Variants in ASXL1 observed in about 807,000 individuals in gnomAD.
The protein encoded by ASXL1 is ASXL transcriptional regulator 1.
Under a neutral mutation model 89.1 loss-of-function variants are expected in ASXL1, and 65 were observed. The observed-to-expected ratio is 0.73, with a 90% CI of 0.60 to 0.90. The LOEUF (loss-of-function observed/expected upper bound fraction) is 0.90. ASXL1 is among the 40% of genes least tolerant of loss of function. The pLI is 0.00. For synonymous variants in ASXL1, 739 were observed against 746.9 expected, an observed-to-expected ratio of 0.99 and a Z score of 0.17; for missense variants, 1,786 against 1,942.9, an observed-to-expected ratio of 0.92 and a Z score of 1.52.
At chr20:32,372,551 G>A (rs2048315101) in intron 4 of ASXL1, 1 of 288,984 alleles carries the variant, frequency 3.5e-6, no homozygotes, top group Admixed American at 6.2e-5. Context: ...TTTAATGAAC[G>A]AATTTAGTGA....
chr20:32,400,947 G>C (rs1364009865), intron 4 of ASXL1, among the ~76,000 whole-genome samples: 3 of 152,194 alleles, frequency 2.0e-5, no homozygotes, highest in Non-Finnish European at 4.4e-5. Context: ...TTTAAGGTGA[G>C]AGGGTAAATC....
chr20:32,370,862 GC>G (rs1195920516), intron 4 of ASXL1, among the ~76,000 whole-genome samples: 1 of 150,546 alleles, frequency 6.6e-6, no homozygotes, highest in African/African-American at 2.4e-5. Flanking sequence ...CCAAAACCTA[GC>G]TTTGTGGTCG....
rs1357638839 is a variant in ASXL1, at chr20:32,433,606, T to A, written c.1408T>A (p.Ser470Thr). ...GAGCAGTCCCCATCTGCCAGGCACA[T>A]CCTCTGCAGCACCCGACCTGGAGGG... ...GLSSPHLPGT[S>T]SAAPDLEGPE... The change falls in exon 12 of 13, where the codon TCC becomes ACC. Residue 470 changes from serine to threonine, a missense_variant. Physicochemically the swap from Ser to Thr is moderately conservative, Grantham distance 58. This residue lies in a region of ASXL1 where 1,418 missense variants were observed against 1,427.8 expected (regional missense o/e 0.99). Transcript: ENST00000375687. 1 of 1,613,996 alleles carries A rather than the reference T, an allele frequency of 6.2e-7. No individual in the cohort carries two copies. The highest frequency in any genetic ancestry group is 8.5e-7 in the Non-Finnish European group (1 of 1,179,944).
intron 1 of ASXL1, among the ~76,000 whole-genome samples, chr20:32,362,025 C>T (rs1368740175): frequency 8.6e-5 from 13 of 151,924 alleles, no homozygotes; most frequent in African/African-American, 2.9e-4. Flanking sequence ...ACCCAGATCA[C>T]ACCACTGCAC....
At chr20:32,370,169 TAAATC>T (rs1471581325) in intron 4 of ASXL1, among the ~76,000 whole-genome samples, 11 of 152,206 alleles carry the variant, frequency 7.2e-5, no homozygotes, top group African/African-American at 2.4e-4. Context: ...TAAGAGTACT[TAAATC>T]AGGTAGAGTT....
At chr20:32,366,821 A>G (rs1016469908) in intron 2 of ASXL1, among the ~76,000 whole-genome samples, 10 of 152,096 alleles carry the variant, frequency 6.6e-5, no homozygotes, top group African/African-American at 2.2e-4. Context: ...CCTTTTCTCT[A>G]TGCCGTATCA....
intron 4 of ASXL1, among the ~76,000 whole-genome samples, chr20:32,416,646 G>A (rs1364616341): frequency 6.6e-6 from 1 of 152,142 alleles, no homozygotes; most frequent in Admixed American, 6.5e-5. Flanking sequence ...AAACACTGCA[G>A]CAACACTTAT....
chr20:32,401,561 C>CTTT (rs71336575), intron 4 of ASXL1, among the ~76,000 whole-genome samples: 8 of 137,920 alleles, frequency 5.8e-5, no homozygotes, highest in African/African-American at 1.7e-4. Context: ...CCCCCCCCCC[C>CTTT]TTTTTTTTTT....
chr20:32,431,334 C>G lies in ASXL1; in HGVS notation c.732C>G (p.Arg244=). 3 of 1,614,132 alleles carry G rather than the reference C, an allele frequency of 1.9e-6. No individual in the cohort carries two copies. The highest frequency in any genetic ancestry group is 8.5e-7 in the Non-Finnish European group (1 of 1,180,032). ...CAAAAATCATAGGTCAAATGAAGCGCAACAGAGGGGAAGAAATAGATTTTG... is the reference window on the plus strand; with the variant it reads ...CAAAAATCATAGGTCAAATGAAGCGGAACAGAGGGGAAGAAATAGATTTTG... ...FRKPATGQMK[R]NRGEEIDFET... Residue 244 remains arginine, a synonymous_variant, in exon 9 of 13, where the codon CGC becomes CGG. Coordinates refer to ENST00000375687, the MANE Select transcript of ASXL1 (RefSeq NM_015338.6).
In ASXL1 at chr20:32,434,750, G is replaced by T; in HGVS notation, c.2038G>T (p.Gly680Cys). The T allele has an allele frequency of 6.2e-7, 1 of 1,613,390 alleles. No homozygotes were observed. Among genetic ancestry groups the T allele is most frequent in the Non-Finnish European group, 8.5e-7 (1 of 1,179,904 alleles). Reference sequence around the variant, plus strand: ...CTGTGGCCACCCTGAGCCCAGGGGAGGCCCGAGCACCCCTGGAAAGTGTAC... The same window carrying T: ...CTGTGGCCACCCTGAGCCCAGGGGATGCCCGAGCACCCCTGGAAAGTGTAC... ...EACGHPEPRG[G>C]PSTPGKCTSD... Residue 680 changes from glycine to cysteine, a missense_variant, in exon 13 of 13, where the codon GGC (glycine) becomes TGC (cysteine). Physicochemically the swap from Gly to Cys is radical, Grantham distance 159 (BLOSUM62 -3). Transcript: ENST00000375687.
intron 4 of ASXL1, among the ~76,000 whole-genome samples, chr20:32,399,064 G>A (rs2048822935): frequency 6.6e-6 from 1 of 151,846 alleles, no homozygotes; most frequent in African/African-American, 2.4e-5. Flanking sequence ...ACAAAAATTA[G>A]TCAGGCATGG....
chr20:32,417,723 TAAA>T (rs1467976736), intron 4 of ASXL1, among the ~76,000 whole-genome samples: 1 of 151,990 alleles, frequency 6.6e-6, no homozygotes, highest in Non-Finnish European at 1.5e-5. Context: ...TGTGTAGGTT[TAAA>T]AAAAATTTTT....
chr20:32,381,357 A>G (rs2081851847), intron 4 of ASXL1, among the ~76,000 whole-genome samples: 1 of 151,908 alleles, frequency 6.6e-6, no homozygotes, highest in Admixed American at 6.6e-5. Context: ...GGTGTGTGTC[A>G]CCATGCCTGG....
In ASXL1 at chr20:32,369,042, T is replaced by C; in HGVS notation, c.171T>C (p.Asn57=). The C allele has an allele frequency of 1.2e-6, 2 of 1,614,106 alleles. No individual in the cohort carries two copies. Among genetic ancestry groups the C allele is most frequent in the Non-Finnish European group, 1.7e-6 (2 of 1,179,942 alleles). ...RSGTSPLACL[N]AMLHSNSRGG... is the part of the protein sequence containing the mutation. ...GGACTTCCCCTCTCGCATGCCTCAA[T>C]GCTATGCTACATTCCAATTCAAGAG... Residue 57 remains asparagine (N), a synonymous_variant, in exon 4 of 13, where the codon AAT becomes AAC. Coordinates refer to ENST00000375687, the MANE Select transcript of ASXL1 (RefSeq NM_015338.6).
Position 32,436,826 on chromosome 20 carries a change from A to G in ASXL1, c.4114A>G (p.Thr1372Ala), listed in dbSNP as rs1157660270. The change falls in exon 13 of 13, where the codon ACT becomes GCT. Residue 1372 changes from threonine (T) to alanine (A), a missense_variant. Thr to Ala is a moderately conservative substitution (Grantham distance 58, BLOSUM62 0). Transcript: ENST00000375687. ...TGTTGGCAGCGTCAAGAATGAGAAGACTTTTGTGGGGGGTCCTCTTAAGGC... is the reference window on the plus strand; with the variant it reads ...TGTTGGCAGCGTCAAGAATGAGAAGGCTTTTGTGGGGGGTCCTCTTAAGGC... ...AFVGSVKNEKTFVGGPLKANA... is the reference protein window; with the variant it reads ...AFVGSVKNEKAFVGGPLKANA... 2 of 1,614,146 alleles carry G rather than the reference A, an allele frequency of 1.2e-6. No homozygotes were observed. The highest frequency in any genetic ancestry group is 1.7e-5 in the Admixed American group (1 of 60,014).
Position 32,438,257 on chromosome 20 carries a change from T to C in ASXL1, c.*919T>C, listed in dbSNP as rs2012042088. On this transcript the variant is annotated 3_prime_UTR_variant, in exon 13 of 13. Transcript: ENST00000375687. ...AAGTGAACTTTTTGGCTTCTGTAAGTATGCTCTATGCACCTCTAATGTTTT... is the reference window on the plus strand; with the variant it reads ...AAGTGAACTTTTTGGCTTCTGTAAGCATGCTCTATGCACCTCTAATGTTTT... 4.3e-6 allele frequency: 1 copy of C among 233,568 alleles called. No homozygotes were observed. The highest frequency in any genetic ancestry group is 8.5e-6 in the Non-Finnish European group (1 of 118,012). 14.5% of individuals were successfully genotyped at this position (233,568 alleles called of 1,614,324 possible). A position where few individuals can be genotyped will look rare whatever the true frequency, so the allele number is the denominator to read the frequency against.
Position 32,359,139 on chromosome 20 carries a change from C to G in ASXL1, c.57+307C>G, listed in dbSNP as rs1414768853. On this transcript the variant is annotated intron_variant, in intron 1 of 12. Coordinates refer to ENST00000375687, the MANE Select transcript of ASXL1 (RefSeq NM_015338.6). ...CAGCGGGGTCCCGCGTCCCCTCCCC[C>G]ACTATTTGGCAGCGTCTGGGGGTCT... 13 of 628,300 alleles carry G rather than the reference C, an allele frequency of 2.1e-5. No homozygotes were observed. The South Asian group carries it at 2.2e-4, about 10-fold the overall frequency. 38.9% of individuals were successfully genotyped at this position (628,300 alleles called of 1,614,324 possible). A position where few individuals can be genotyped will look rare whatever the true frequency, so the allele number is the denominator to read the frequency against.
intron 4 of ASXL1, among the ~76,000 whole-genome samples, chr20:32,419,429 C>T (rs1458990664): frequency 6.6e-6 from 1 of 151,982 alleles, no homozygotes; most frequent in East Asian, 1.9e-4. Context: ...GTCTTGAACT[C>T]TTGGGCTCAA....
At chr20:32,368,126 G>GCC (rs2048237145) in intron 3 of ASXL1, among the ~76,000 whole-genome samples, 1 of 152,088 alleles carries the variant, frequency 6.6e-6, no homozygotes, top group South Asian at 2.1e-4. Flanking sequence ...GCTTACTTAA[G>GCC]CTATTTATAT....
Sources: allele counts gnomAD v4.1 joint callset (sites outside exome capture counted in the v4.1 genomes callset), GRCh38; gene constraint gnomAD v4.1.1; regional missense constraint gnomAD v4.1.1; transcripts MANE v1.5; gene names NCBI Gene and HGNC (gene_info 2026-07-23, HGNC 2026-07-21).